The following CAMK4 variants were observed in gnomAD, a reference collection of about 807,000 sequenced individuals.
CAMK4 encodes the protein calcium/calmodulin-dependent protein kinase type IV.
In CAMK4, 22 loss-of-function variants were observed where a neutral mutation model predicts 44.9. The observed-to-expected ratio is 0.49, with a 90% CI of 0.35 to 0.70. CAMK4 has a LOEUF of 0.70. Ranked by LOEUF, CAMK4 falls within the 30% of genes least tolerant of loss-of-function variation. The probability of loss-of-function intolerance (pLI) is 0.01; values close to 1 mark genes in which losing one functional copy is unlikely to be tolerated. For missense variants in CAMK4, 498 were observed against 586.8 expected (o/e 0.85, Z 1.56); for synonymous variants, 218 against 215.4 (o/e 1.01, Z -0.11).
chr5:111,316,499 ATAGATGTTGAGTGATTGATC>A (rs1279522337), intron 1 of CAMK4, among the ~76,000 whole-genome samples: 2 of 152,064 alleles, frequency 1.3e-5, no homozygotes, highest in Non-Finnish European at 2.9e-5. Flanking sequence ...TGAGCTTCTG[ATAGATGTTGAGTGATTGATC>A]TTCCTCTAGC....
chr5:111,428,306 A>G (rs1373842590), intron 5 of CAMK4, among the ~76,000 whole-genome samples: 3 of 152,220 alleles, frequency 2.0e-5, no homozygotes, highest in South Asian at 2.1e-4. Flanking sequence ...TAAATACCCA[A>G]TCCTTCAATG....
intron 1 of CAMK4, among the ~76,000 whole-genome samples, chr5:111,279,992 G>T (rs942080678): frequency 6.6e-6 from 1 of 152,120 alleles, no homozygotes; most frequent in Non-Finnish European, 1.5e-5. Flanking sequence ...TTATACAGCC[G>T]GTATTCACAG....
intron 7 of CAMK4, among the ~76,000 whole-genome samples, chr5:111,452,940 G>C (rs960696633): frequency 6.6e-6 from 1 of 152,118 alleles, no homozygotes; most frequent in Non-Finnish European, 1.5e-5. Context: ...GAACTATTTT[G>C]GGGATTGAGA....
intron 1 of CAMK4, among the ~76,000 whole-genome samples, chr5:111,227,266 ATCT>A (rs1212691781): frequency 6.6e-6 from 1 of 152,206 alleles, no homozygotes. Context: ...AGTGACTAAA[ATCT>A]TCTTTCTTCC....
At chr5:111,460,031 A>G (rs998140033) in intron 7 of CAMK4, among the ~76,000 whole-genome samples, 2 of 152,028 alleles carry the variant, frequency 1.3e-5, no homozygotes, top group African/African-American at 2.4e-5. Flanking sequence ...TGATGGGAGG[A>G]AAAGAGGTCA....
At chr5:111,252,322 A>G (rs1749538132) in intron 1 of CAMK4, among the ~76,000 whole-genome samples, 1 of 152,190 alleles carries the variant, frequency 6.6e-6, no homozygotes. Flanking sequence ...TGTAAATAGG[A>G]TGGCATAACC....
intron 5 of CAMK4, among the ~76,000 whole-genome samples, chr5:111,421,575 C>G (rs79904584): frequency 6.6e-6 from 1 of 152,160 alleles, no homozygotes. Flanking sequence ...TTAACTTAAT[C>G]TTTTTTCTCT....
chr5:111,448,291 T>A (rs917567071), intron 6 of CAMK4, among the ~76,000 whole-genome samples: 2 of 152,248 alleles, frequency 1.3e-5, no homozygotes, highest in African/African-American at 4.8e-5. Context: ...ATAAGTGAAA[T>A]ACATTGGAGA....
intron 5 of CAMK4, among the ~76,000 whole-genome samples, chr5:111,443,921 C>T (rs1227964359): frequency 6.6e-6 from 1 of 152,160 alleles, no homozygotes; most frequent in Non-Finnish European, 1.5e-5. Flanking sequence ...CCCCTTCAAA[C>T]TCAGCTTATA....
Position 111,402,594 on chromosome 5 carries a change from G to A in CAMK4, c.459+7812G>A, listed in dbSNP as rs571736652. ...TCTTATTCCTCATTGGCAGAAAGCC[G>A]ATCTCCCTTGTAGGAAGATGGAAAG... On this transcript the variant is annotated intron_variant, in intron 5 of 10. Coordinates refer to ENST00000282356, the MANE Select transcript of CAMK4 (RefSeq NM_001744.6). Among the ~76,000 whole-genome samples, 19 of 152,282 alleles carry A rather than the reference G, an allele frequency of 1.2e-4. No individual in the cohort carries two copies. The South Asian group carries it at 2.5e-3, about 20-fold the overall frequency.
intron 2 of CAMK4, among the ~76,000 whole-genome samples, chr5:111,350,261 T>C (rs1750039003): frequency 6.6e-6 from 1 of 152,092 alleles, no homozygotes; most frequent in South Asian, 2.1e-4. Flanking sequence ...TTCTTATTAA[T>C]TGCAATGTGT....
At chr5:111,250,898 C>T (rs1371659251) in intron 1 of CAMK4, among the ~76,000 whole-genome samples, 1 of 152,172 alleles carries the variant, frequency 6.6e-6, no homozygotes, top group Non-Finnish European at 1.5e-5. Context: ...TTATCTCAGC[C>T]TCCCACCTCA....
intron 1 of CAMK4, among the ~76,000 whole-genome samples, chr5:111,274,099 C>T (rs1043563916): frequency 1.3e-5 from 2 of 151,992 alleles, no homozygotes; most frequent in African/African-American, 4.8e-5. Context: ...TTCTGGAACA[C>T]GTGGAACACA....
chr5:111,242,597 C>G (rs1011310285), intron 1 of CAMK4, among the ~76,000 whole-genome samples: 1 of 152,062 alleles, frequency 6.6e-6, no homozygotes, highest in African/African-American at 2.4e-5. Flanking sequence ...TAATGTCACT[C>G]CCCTGCCTAA....
chr5:111,379,263 T>A (rs371753102), intron 4 of CAMK4, among the ~76,000 whole-genome samples: 1 of 152,180 alleles, frequency 6.6e-6, no homozygotes, highest in East Asian at 1.9e-4. Context: ...AATCATGGGT[T>A]TCTCCTTCTC....
Position 111,487,187 on chromosome 5 carries a change from C to T in CAMK4, c.*2721C>T, listed in dbSNP as rs1755661180. ...ACTTCATAACATCACTCCTAATTGGCAATATAGTCACAAAGCAAAAGAATT... is the reference window on the plus strand; with the variant it reads ...ACTTCATAACATCACTCCTAATTGGTAATATAGTCACAAAGCAAAAGAATT... On this transcript the variant is annotated 3_prime_UTR_variant, in exon 11 of 11. Coordinates refer to ENST00000282356, the MANE Select transcript of CAMK4 (RefSeq NM_001744.6). 1 of 152,124 alleles carries T rather than the reference C, an allele frequency of 6.6e-6. No individual in the cohort carries two copies. Among genetic ancestry groups the T allele is most frequent in the African/African-American group, 2.4e-5 (1 of 41,426 alleles). 9.4% of individuals were successfully genotyped at this position (152,124 alleles called of 1,614,324 possible).
At chr5:111,234,535 C>A (rs1580458194) in intron 1 of CAMK4, among the ~76,000 whole-genome samples, 1 of 152,320 alleles carries the variant, frequency 6.6e-6, no homozygotes, top group East Asian at 1.9e-4. Flanking sequence ...TTTAATATAA[C>A]TAATGCACTT....
intron 8 of CAMK4, among the ~76,000 whole-genome samples, chr5:111,474,929 G>A (rs540774839): frequency 1.3e-5 from 2 of 152,320 alleles, no homozygotes; most frequent in African/African-American, 2.4e-5. Context: ...TCGGGAGGCC[G>A]AGACGGGTGG....
Position 111,482,725 on chromosome 5 carries a change from G to A in CAMK4, c.829-60G>A, listed in dbSNP as rs1675951817. 1 of 1,370,818 alleles carries A rather than the reference G, an allele frequency of 7.3e-7. No individual in the cohort carries two copies. The highest frequency in any genetic ancestry group is 1.0e-6 in the Non-Finnish European group (1 of 996,156). The allele number at this position is 1,370,818 out of a possible 1,614,324, so 84.9% of individuals were successfully genotyped here. ...AATAAGATCTGGAAGTTTGTAAGCT[G>A]AGGGCAAGCCCAGGTCATCCTAAAA... On this transcript the variant is annotated intron_variant, in intron 9 of 10. Coordinates refer to ENST00000282356, the MANE Select transcript of CAMK4 (RefSeq NM_001744.6). The surrounding 1 kb of genome is among the most constrained non-coding windows in gnomAD (Gnocchi z 4.9).
Sources: allele counts gnomAD v4.1 joint callset (sites outside exome capture counted in the v4.1 genomes callset), GRCh38; gene constraint gnomAD v4.1.1; non-coding constraint Gnocchi (gnomAD v3.1); transcripts MANE v1.5; gene names NCBI Gene and HGNC (gene_info 2026-07-23, HGNC 2026-07-21).